Variants in IQGAP2 observed in about 807,000 individuals in gnomAD.
IQGAP2 encodes IQ motif containing GTPase activating protein 2.
A neutral mutation model predicts 201.3 loss-of-function variants in IQGAP2; 173 were observed. The ratio of observed to expected loss-of-function variants is 0.86; its 90% CI spans 0.76 to 0.98. IQGAP2 has a LOEUF of 0.98. IQGAP2 is among the 50% of genes least tolerant of loss of function. IQGAP2 has a pLI of 0.00. For synonymous variants in IQGAP2, 675 were observed against 673.9 expected (o/e 1.00, Z -0.03); for missense variants, 1,687 against 1,864.8 (o/e 0.90, Z 1.76).
chr5:76,659,425 G>A (rs1325823846), intron 21 of IQGAP2, among the ~76,000 whole-genome samples: 1 of 152,142 alleles, frequency 6.6e-6, no homozygotes, highest in Non-Finnish European at 1.5e-5. Context: ...CAGATTATGA[G>A]GGCTTCAGTG....
chr5:76,524,387 G>A (rs951308324), intron 2 of IQGAP2, among the ~76,000 whole-genome samples: 1 of 152,090 alleles, frequency 6.6e-6, no homozygotes, highest in Admixed American at 6.6e-5. Flanking sequence ...AACAATTTAG[G>A]GACTGTAGTA....
At chr5:76,430,263 C>T (rs1752291203) in intron 1 of IQGAP2, among the ~76,000 whole-genome samples, 3 of 152,054 alleles carry the variant, frequency 2.0e-5, no homozygotes, top group East Asian at 1.9e-4. Context: ...ATGGCTGTCT[C>T]TGCTCCATTT....
chr5:76,572,815 C>T (rs1161441688), intron 4 of IQGAP2, among the ~76,000 whole-genome samples: 1 of 152,126 alleles, frequency 6.6e-6, no homozygotes, highest in African/African-American at 2.4e-5. Flanking sequence ...CTTATGAAGA[C>T]CTCTGTTGTG....
intron 2 of IQGAP2, among the ~76,000 whole-genome samples, chr5:76,557,451 T>C (rs1744027621): frequency 6.6e-6 from 1 of 152,234 alleles, no homozygotes; most frequent in South Asian, 2.1e-4. Context: ...TAGTTGTCAT[T>C]GATAATAATA....
chr5:76,617,390 C>T (rs1046672204), intron 13 of IQGAP2: 30 of 546,282 alleles, frequency 5.5e-5, no homozygotes, highest in African/African-American at 2.1e-4. Flanking sequence ...TGCCACTGCA[C>T]GCCAGTCTGG....
intron 31 of IQGAP2, among the ~76,000 whole-genome samples, chr5:76,695,092 C>T (rs1746605155): frequency 6.6e-6 from 1 of 152,182 alleles, no homozygotes; most frequent in Non-Finnish European, 1.5e-5. Context: ...CTCATAGCCA[C>T]ATTTCAATAG....
chr5:76,541,568 G>C (rs548091001), intron 2 of IQGAP2, among the ~76,000 whole-genome samples: 4 of 152,170 alleles, frequency 2.6e-5, no homozygotes, highest in Non-Finnish European at 5.9e-5. Flanking sequence ...GGATCACAAA[G>C]TAATTCTACG....
chr5:76,628,603 G>A (rs1012506630), intron 14 of IQGAP2: 3 of 399,008 alleles, frequency 7.5e-6, no homozygotes, highest in Non-Finnish European at 1.5e-5. Context: ...TCACTAACCT[G>A]CCAACTGATG....
intron 24 of IQGAP2, among the ~76,000 whole-genome samples, 167 bp from the exon 25 acceptor site, chr5:76,673,282 T>C (rs1172761929): frequency 1.3e-5 from 2 of 152,170 alleles, no homozygotes; most frequent in Admixed American, 1.3e-4. Flanking sequence ...TTGCAGAAGG[T>C]ACCCTCTGTG....
chr5:76,690,807 C>G (rs1369537582), intron 30 of IQGAP2, among the ~76,000 whole-genome samples: 1 of 152,164 alleles, frequency 6.6e-6, no homozygotes, highest in Non-Finnish European at 1.5e-5. Context: ...GTGTTTCACA[C>G]AGCACATCTC....
chr5:76,658,705 G>A (rs1742977246), intron 21 of IQGAP2, 38 bp downstream of exon 21: 2 of 1,546,788 alleles, frequency 1.3e-6, no homozygotes, highest in African/African-American at 2.7e-5. Context: ...TCCCAGAAGA[G>A]GGAAGACGCC....
intron 4 of IQGAP2, among the ~76,000 whole-genome samples, chr5:76,575,060 A>G (rs1745376930): frequency 6.6e-6 from 1 of 152,216 alleles, no homozygotes; most frequent in Non-Finnish European, 1.5e-5. Flanking sequence ...TATAAACCTA[A>G]AAAAATCAGA....
intron 2 of IQGAP2, among the ~76,000 whole-genome samples, chr5:76,471,101 C>A (rs1407266455): frequency 6.6e-6 from 1 of 152,116 alleles, no homozygotes; most frequent in Non-Finnish European, 1.5e-5. Flanking sequence ...ATGGAGAATT[C>A]TTTTTGGATA....
chr5:76,667,325 T>C (rs755466000), intron 22 of IQGAP2, among the ~76,000 whole-genome samples: 1 of 152,162 alleles, frequency 6.6e-6, no homozygotes. Context: ...ACCTAAGTGA[T>C]AAAGTAAACC....
chr5:76,519,942 T>C (rs1444847580), intron 2 of IQGAP2, among the ~76,000 whole-genome samples: 1 of 152,236 alleles, frequency 6.6e-6, no homozygotes, highest in East Asian at 1.9e-4. Flanking sequence ...AAGTTCTTTG[T>C]TGGATATATA....
At chr5:76,481,614 C>T (rs1755798824) in intron 2 of IQGAP2, among the ~76,000 whole-genome samples, 1 of 152,080 alleles carries the variant, frequency 6.6e-6, no homozygotes, top group Non-Finnish European at 1.5e-5. Context: ...GAACTCCTGA[C>T]CTCAGATGAT....
chr5:76,572,525 T>C (rs1274307703), intron 4 of IQGAP2, among the ~76,000 whole-genome samples: 1 of 151,986 alleles, frequency 6.6e-6, no homozygotes, highest in East Asian at 1.9e-4. Context: ...AGAAATAGTA[T>C]GTAGGATAAC....
intron 17 of IQGAP2, among the ~76,000 whole-genome samples, chr5:76,643,688 G>A (rs775438469): frequency 5.9e-5 from 9 of 152,214 alleles, no homozygotes; most frequent in Non-Finnish European, 1.2e-4. Flanking sequence ...CTACTTTTTA[G>A]GAAAGGACAT....
chr5:76,485,219 C>T (rs756917900), intron 2 of IQGAP2, among the ~76,000 whole-genome samples: 1 of 152,178 alleles, frequency 6.6e-6, no homozygotes, highest in Non-Finnish European at 1.5e-5. Flanking sequence ...ATCCAGAGCC[C>T]AGGCCAGAAC....
Sources: allele counts gnomAD v4.1 joint callset (sites outside exome capture counted in the v4.1 genomes callset), GRCh38; gene constraint gnomAD v4.1.1; transcripts MANE v1.5; gene names NCBI Gene and HGNC (gene_info 2026-07-23, HGNC 2026-07-21).